RAD51B: variants seen among roughly 807,000 people sequenced by gnomAD.
The protein encoded by RAD51B is DNA repair protein RAD51 homolog 2.
Under a neutral mutation model 42.2 loss-of-function variants are expected in RAD51B, and 38 were observed. The observed-to-expected ratio is 0.90, with a 90% CI of 0.70 to 1.18. The LOEUF (loss-of-function observed/expected upper bound fraction) is 1.18. Among genes scored for constraint, RAD51B ranks in the 50% most tolerant of loss-of-function variants. RAD51B has a pLI of 0.00. For synonymous variants in RAD51B, 154 were observed against 145.2 expected, an observed-to-expected ratio of 1.06 and a Z score of -0.43; for missense variants, 373 against 400.7, an observed-to-expected ratio of 0.93 and a Z score of 0.59.
intron 10 of RAD51B, among the ~76,000 whole-genome samples, chr14:68,609,032 C>T (rs1419618052): frequency 6.6e-6 from 1 of 152,192 alleles, no homozygotes; most frequent in East Asian, 1.9e-4. Context: ...CTGATGTCCA[C>T]TCTCTGGCCG....
At chr14:67,947,971 AAAG>A (rs1395894554) in intron 7 of RAD51B, among the ~76,000 whole-genome samples, 11 of 152,320 alleles carry the variant, frequency 7.2e-5, no homozygotes, top group African/African-American at 2.6e-4. Context: ...CAACTATAGG[AAAG>A]AAGATGTTTT....
At chr14:67,833,980 T>C (rs1467925781) in intron 3 of RAD51B, among the ~76,000 whole-genome samples, 1 of 152,248 alleles carries the variant, frequency 6.6e-6, no homozygotes, top group Non-Finnish European at 1.5e-5. Context: ...ATTAGTTTCC[T>C]GTGGCAGTTC....
chr14:67,923,378 C>T (rs2044396701), intron 7 of RAD51B, among the ~76,000 whole-genome samples: 1 of 150,224 alleles, frequency 6.7e-6, no homozygotes, highest in Non-Finnish European at 1.5e-5. Flanking sequence ...CGGCTTACCA[C>T]AACCTCTGCC....
rs149645963 is a variant in RAD51B at position 68,337,456 on chromosome 14, G to C, written c.853+45476G>C. ...CTAAAATTAGCCATTGTAGCATGCA[G>C]CTTTGTGGAAGTGGCTGTACTCTTG... On this transcript the variant is annotated intron_variant, in intron 8 of 10. Transcript: ENST00000471583. Among the ~76,000 whole-genome samples, 411 of 152,320 alleles carry C rather than the reference G, an allele frequency of 2.7e-3. 10 individuals are homozygous for C. In the East Asian group the frequency reaches 0.045, roughly 17 times the overall value.
At chr14:68,261,604 C>G (rs1260176630) in intron 7 of RAD51B, among the ~76,000 whole-genome samples, 1 of 152,154 alleles carries the variant, frequency 6.6e-6, no homozygotes, top group Non-Finnish European at 1.5e-5. Context: ...AGCGTTGCAA[C>G]TACAAAACCA....
chr14:68,521,143 C>G (rs914092846), intron 10 of RAD51B, among the ~76,000 whole-genome samples: 13 of 152,210 alleles, frequency 8.5e-5, no homozygotes, highest in Middle Eastern at 3.2e-3. Context: ...GGAGAGGCAA[C>G]AGCTGGGGCC....
chr14:68,638,598 G>A (rs1190974579), intron 10 of RAD51B, among the ~76,000 whole-genome samples: 2 of 152,108 alleles, frequency 1.3e-5, no homozygotes, highest in South Asian at 2.1e-4. Flanking sequence ...TGGGGGAGGG[G>A]AGCTGGCATC....
intron 10 of RAD51B, among the ~76,000 whole-genome samples, chr14:68,501,574 G>T (rs1884921111): frequency 6.6e-6 from 1 of 152,056 alleles, no homozygotes; most frequent in Non-Finnish European, 1.5e-5. Context: ...CACAGGGTCA[G>T]CAGCACTTTG....
intron 7 of RAD51B, among the ~76,000 whole-genome samples, chr14:68,176,260 G>C (rs962987580): frequency 1.3e-5 from 2 of 152,124 alleles, no homozygotes; most frequent in African/African-American, 4.8e-5. Flanking sequence ...TGTATGGATG[G>C]GTGGCAAGTG....
At chr14:68,075,268 G>A (rs1255368495) in intron 7 of RAD51B, among the ~76,000 whole-genome samples, 1 of 152,156 alleles carries the variant, frequency 6.6e-6, no homozygotes, top group Non-Finnish European at 1.5e-5. Context: ...GGGTGGCTGT[G>A]GCATACTGGA....
At chr14:68,602,506 C>CTAGATAGATAGA (rs752180767) in intron 10 of RAD51B, among the ~76,000 whole-genome samples, 140 of 149,026 alleles carry the variant, frequency 9.4e-4, no homozygotes, top group Admixed American at 3.5e-3. Flanking sequence ...GGATGGATAG[C>CTAGATAGATAGA]TAGATAGATA....
At chr14:68,161,811 C>T (rs2588820) in intron 7 of RAD51B, among the ~76,000 whole-genome samples, 121,285 of 152,168 alleles carry the variant, frequency 0.8, 48,791 homozygotes, top group East Asian at 0.98. Flanking sequence ...CTTCTTCCTC[C>T]TTCTCCTTAA....
At chr14:68,489,635 GA>G (rs1166046249) in intron 10 of RAD51B, among the ~76,000 whole-genome samples, 1 of 152,204 alleles carries the variant, frequency 6.6e-6, no homozygotes, top group East Asian at 1.9e-4. Flanking sequence ...ACATTGCTAA[GA>G]AATACACCAG....
chr14:68,652,556 A>C (rs749469062), intron 11 of RAD51B, among the ~76,000 whole-genome samples: 4 of 152,044 alleles, frequency 2.6e-5, no homozygotes, highest in Non-Finnish European at 4.4e-5. Context: ...ACCTTCACTT[A>C]CTCGCTTTGT....
At chr14:68,160,451 T>C (rs1210856447) in intron 7 of RAD51B, among the ~76,000 whole-genome samples, 2 of 152,220 alleles carry the variant, frequency 1.3e-5, no homozygotes, top group Non-Finnish European at 2.9e-5. Context: ...AATATGTCTC[T>C]GCTTCTTACA....
At chr14:68,071,283 C>G (rs1350652011) in intron 7 of RAD51B, among the ~76,000 whole-genome samples, 35 of 152,230 alleles carry the variant, frequency 2.3e-4, no homozygotes, top group Non-Finnish European at 7.4e-5. Flanking sequence ...ATTGCTTTAA[C>G]TAGGACTCCC....
intron 8 of RAD51B, among the ~76,000 whole-genome samples, chr14:68,371,302 A>T (rs1007207369): frequency 5.9e-5 from 9 of 151,462 alleles, no homozygotes; most frequent in African/African-American, 2.2e-4. Context: ...GCAGATCACA[A>T]GGTCAAGAGA....
intron 7 of RAD51B, among the ~76,000 whole-genome samples, chr14:68,191,739 A>G (rs1051606729): frequency 7.9e-5 from 12 of 152,192 alleles, no homozygotes; most frequent in African/African-American, 2.4e-4. Context: ...GTTTTCCTTA[A>G]GAGAGTTCTG....
chr14:67,835,687 CA>C (rs143742757), intron 4 of RAD51B, among the ~76,000 whole-genome samples: 20 of 145,858 alleles, frequency 1.4e-4, no homozygotes, highest in South Asian at 2.2e-4. Flanking sequence ...CTGTCTTTAC[CA>C]AAAAAAAAAT....
Sources: allele counts gnomAD v4.1 joint callset (sites outside exome capture counted in the v4.1 genomes callset), GRCh38; gene constraint gnomAD v4.1.1; transcripts MANE v1.5; gene names NCBI Gene and HGNC (gene_info 2026-07-23, HGNC 2026-07-21).